Variants in GALNT17 observed in about 807,000 individuals in gnomAD.
The protein encoded by GALNT17 is polypeptide N-acetylgalactosaminyltransferase 17.
In GALNT17, 29 loss-of-function variants were observed where a neutral mutation model predicts 63.7. That is an observed-to-expected ratio of 0.46 (90% CI 0.34 to 0.62). GALNT17 has a LOEUF of 0.62. Among genes scored for constraint, GALNT17 ranks in the 20% least tolerant of loss-of-function variants. The probability of loss-of-function intolerance (pLI) is 0.01; values close to 1 mark genes in which losing one functional copy is unlikely to be tolerated. For missense variants in GALNT17, 603 were observed against 799.6 expected (o/e 0.75, Z 2.97); for synonymous variants, 305 against 318.3 (o/e 0.96, Z 0.45).
Position 71,190,574 on chromosome 7 carries a change from C to T in GALNT17, c.238+57534C>T, listed in dbSNP as rs144058768. Among the ~76,000 whole-genome samples, 332 of 152,090 alleles carry T rather than the reference C, an allele frequency of 2.2e-3. 2 individuals are homozygous for T. Among genetic ancestry groups the T allele is most frequent in the African/African-American group, 7.3e-3 (304 of 41,492 alleles). On this transcript the variant is annotated intron_variant, in intron 1 of 10. Transcript: ENST00000333538. ...CTTTTCTTCATAAATTACCCAGTCTCGGGTATTTGTTTATAGCAGTGCAAG... is the reference window on the plus strand; with the variant it reads ...CTTTTCTTCATAAATTACCCAGTCTTGGGTATTTGTTTATAGCAGTGCAAG...
intron 5 of GALNT17, among the ~76,000 whole-genome samples, chr7:71,454,382 G>A (rs913541277): frequency 1.3e-5 from 2 of 152,164 alleles, no homozygotes; most frequent in Admixed American, 1.3e-4. Flanking sequence ...CTTCATACAT[G>A]TCACTCCAAA....
intron 5 of GALNT17, among the ~76,000 whole-genome samples, chr7:71,569,451 C>T (rs902836110): frequency 2.6e-5 from 4 of 152,012 alleles, no homozygotes; most frequent in South Asian, 2.1e-4. Flanking sequence ...TTTGGAGTTC[C>T]GAAGTGACTA....
chr7:71,207,160 C>G (rs983633341), intron 1 of GALNT17, among the ~76,000 whole-genome samples: 3 of 151,160 alleles, frequency 2.0e-5, no homozygotes, highest in African/African-American at 7.3e-5. Flanking sequence ...TCACTTTTTG[C>G]TTTTTCTTCT....
chr7:71,185,036 C>T (rs1788818581), intron 1 of GALNT17, among the ~76,000 whole-genome samples: 1 of 114,718 alleles, frequency 8.7e-6, no homozygotes, highest in South Asian at 2.8e-4. Context: ...CCTTCCTCTT[C>T]TCTTCCTCCC....
chr7:71,502,100 C>T (rs144432292), intron 5 of GALNT17, among the ~76,000 whole-genome samples: 6 of 152,280 alleles, frequency 3.9e-5, no homozygotes, highest in East Asian at 1.9e-4. Flanking sequence ...TTTCAACATA[C>T]GCAGGCTCTT....
intron 5 of GALNT17, among the ~76,000 whole-genome samples, chr7:71,466,628 C>A (rs1341385611): frequency 6.6e-6 from 1 of 152,134 alleles, no homozygotes; most frequent in African/African-American, 2.4e-5. Context: ...TATTTACCAT[C>A]TATTCTCTCT....
At chr7:71,163,115 G>A (rs1788377780) in intron 1 of GALNT17, among the ~76,000 whole-genome samples, 1 of 152,214 alleles carries the variant, frequency 6.6e-6, no homozygotes, top group Non-Finnish European at 1.5e-5. Flanking sequence ...TGATGAAATG[G>A]ATATGAGGTA....
chr7:71,212,808 C>T (rs907583257), intron 1 of GALNT17, among the ~76,000 whole-genome samples: 1 of 152,088 alleles, frequency 6.6e-6, no homozygotes, highest in Non-Finnish European at 1.5e-5. Context: ...TTTGTTTTGG[C>T]CAATTTCTCC....
chr7:71,374,863 G>A lies in GALNT17; in HGVS notation c.423-13372G>A, dbSNP rs190130468. ...TTTTTTTTTTTTTTTTTTTTGAGAC[G>A]GAGTCTTGCTCTGTTGCCCAGGCTG... is the stretch of plus-strand genomic sequence containing the variant. On this transcript the variant is annotated intron_variant, in intron 2 of 10. Coordinates refer to ENST00000333538, the MANE Select transcript of GALNT17 (RefSeq NM_022479.3). 6.7e-3 allele frequency among the ~76,000 whole-genome samples: 943 copies of A among 140,600 alleles called. 3 individuals carry two copies. The highest frequency in any genetic ancestry group is 0.015 in the Admixed American group (208 of 13,768). The allele number at this position is 140,600 out of a possible 152,430, so 92.2% of individuals were successfully genotyped here.
intron 3 of GALNT17, among the ~76,000 whole-genome samples, chr7:71,397,080 A>G (rs1419331549): frequency 6.6e-6 from 1 of 152,176 alleles, no homozygotes; most frequent in African/African-American, 2.4e-5. Flanking sequence ...TTTACTTATT[A>G]CTTTCCAATC....
At chr7:71,693,147 A>G (rs1372343429) in intron 9 of GALNT17, among the ~76,000 whole-genome samples, 2 of 151,236 alleles carry the variant, frequency 1.3e-5, no homozygotes, top group African/African-American at 4.9e-5. Flanking sequence ...CTATAAGTAT[A>G]TAAGTATATA....
intron 4 of GALNT17, among the ~76,000 whole-genome samples, chr7:71,416,664 A>C (rs1165693685): frequency 6.6e-6 from 1 of 152,138 alleles, no homozygotes; most frequent in African/African-American, 2.4e-5. Context: ...AACTCAACAG[A>C]ATCCTTGCAA....
chr7:71,574,192 C>T (rs1239448322), intron 6 of GALNT17, among the ~76,000 whole-genome samples: 1 of 152,258 alleles, frequency 6.6e-6, no homozygotes, highest in African/African-American at 2.4e-5. Context: ...AAATGAGATA[C>T]TGGGTCAAAT....
chr7:71,163,249 C>G (rs1175635651), intron 1 of GALNT17, among the ~76,000 whole-genome samples: 2 of 152,088 alleles, frequency 1.3e-5, no homozygotes, highest in African/African-American at 4.8e-5. Flanking sequence ...ATGAAACATT[C>G]AATTTTGGAT....
chr7:71,644,515 G>A (rs146672858), intron 6 of GALNT17, among the ~76,000 whole-genome samples: 11,058 of 110,504 alleles, frequency 0.1, 1,595 homozygotes, highest in African/African-American at 0.35. Flanking sequence ...GCGACAGAGC[G>A]AGACTCCATC....
At chr7:71,366,569 G>A (rs561534341) in intron 2 of GALNT17, among the ~76,000 whole-genome samples, 4 of 149,896 alleles carry the variant, frequency 2.7e-5, no homozygotes, top group East Asian at 3.9e-4. Flanking sequence ...GACAGAGCGA[G>A]ACTCTGTCTC....
intron 1 of GALNT17, among the ~76,000 whole-genome samples, chr7:71,322,739 G>C (rs1051370419): frequency 6.6e-6 from 1 of 152,056 alleles, no homozygotes; most frequent in African/African-American, 2.4e-5. Context: ...ATGGGATCAG[G>C]GTCCTTATAG....
In GALNT17 at chr7:71,346,147, G is replaced by T. The variant is rs34031481; in HGVS notation, c.422+10414G>T. Among the ~76,000 whole-genome samples, 1,149 of 151,952 alleles carry T rather than the reference G, an allele frequency of 7.6e-3. 5 individuals are homozygous for T. Among genetic ancestry groups the T allele is most frequent in the Non-Finnish European group, 0.012 (808 of 67,972 alleles). ...TCCAAGGCTACAGGGAGCTATGATC[G>T]TGCCACTGCACCCCATCTTGGATAA... On this transcript the variant is annotated intron_variant, in intron 2 of 10. Transcript: ENST00000333538.
intron 5 of GALNT17, among the ~76,000 whole-genome samples, chr7:71,563,888 AT>A (rs1350302374): frequency 6.6e-6 from 1 of 151,932 alleles, no homozygotes; most frequent in Non-Finnish European, 1.5e-5. Context: ...TAATTTTTTA[AT>A]TTTGTGTAGT....
Sources: gnomAD v4.1 joint callset for allele counts (sites outside exome capture counted in the v4.1 genomes callset) on GRCh38, gnomAD v4.1.1 for gene constraint, MANE v1.5 for transcripts, NCBI Gene and HGNC (gene_info 2026-07-23, HGNC 2026-07-21) for gene names.